Variants in CNIH3 observed in about 807,000 individuals in gnomAD.
CNIH3 encodes protein cornichon homolog 3.
A neutral mutation model predicts 24.1 loss-of-function variants in CNIH3; 14 were observed. The observed-to-expected ratio is 0.58, with a 90% CI of 0.38 to 0.91. CNIH3 has a LOEUF of 0.91. Among genes scored for constraint, CNIH3 ranks in the 40% least tolerant of loss-of-function variants. The pLI is 0.00. For missense variants in CNIH3, 178 were observed against 196.8 expected (o/e 0.90, Z 0.57); for synonymous variants, 68 against 73.8 (o/e 0.92, Z 0.40).
chr1:224,513,229 G>C (rs528177594), upstream of CNIH3, among the ~76,000 whole-genome samples: 2 of 151,858 alleles, frequency 1.3e-5, no homozygotes, highest in African/African-American at 4.8e-5. Flanking sequence ...TGTGATCACA[G>C]CTCACAGCAG....
intron 1 of CNIH3, among the ~76,000 whole-genome samples, chr1:224,627,727 T>C (rs1282393943): frequency 6.6e-6 from 1 of 152,152 alleles, no homozygotes; most frequent in East Asian, 1.9e-4. Flanking sequence ...CGCTGCCATC[T>C]CGGACCCACG....
intron 4 of CNIH3, among the ~76,000 whole-genome samples, chr1:224,568,454 T>C (rs74472226): frequency 0.068 from 10,422 of 152,150 alleles, 1,189 homozygotes; most frequent in African/African-American, 0.23. Context: ...ATATATGTGA[T>C]GTGTAAGGAA....
At chr1:224,530,815 G>T (rs1679035232) in intron 2 of CNIH3, among the ~76,000 whole-genome samples, 1 of 152,074 alleles carries the variant, frequency 6.6e-6, no homozygotes, top group South Asian at 2.1e-4. Flanking sequence ...GGCCAGGATG[G>T]TCGCGATCTC....
intron 1 of CNIH3, among the ~76,000 whole-genome samples, chr1:224,658,833 G>A (rs374248607): frequency 1.3e-5 from 2 of 151,758 alleles, no homozygotes; most frequent in South Asian, 2.1e-4. Flanking sequence ...TCTGTATAGT[G>A]TATTATTAAT....
At chr1:224,618,319 C>T (rs1683125839) in intron 1 of CNIH3, among the ~76,000 whole-genome samples, 2 of 152,254 alleles carry the variant, frequency 1.3e-5, no homozygotes, top group Non-Finnish European at 2.9e-5. Flanking sequence ...CCACCTTTAA[C>T]AGCCTTGCCC....
intron 1 of CNIH3, among the ~76,000 whole-genome samples, chr1:224,441,987 G>C (rs1674934798): frequency 6.7e-6 from 1 of 148,500 alleles, no homozygotes; most frequent in Non-Finnish European, 1.5e-5. Context: ...GACTAACAGA[G>C]TTTGGGAGAT....
intron 3 of CNIH3, among the ~76,000 whole-genome samples, chr1:224,713,794 T>A (rs182491451): frequency 6.6e-6 from 1 of 152,312 alleles, no homozygotes; most frequent in Non-Finnish European, 1.5e-5. Context: ...CTGGTTTCAG[T>A]GCAACTTTTT....
chr1:224,553,908 C>T (rs1355757188), intron 3 of CNIH3, among the ~76,000 whole-genome samples: 5 of 150,822 alleles, frequency 3.3e-5, no homozygotes, highest in African/African-American at 1.2e-4. Flanking sequence ...AGCGAATTTG[C>T]ACTCAAATAC....
In CNIH3 at chr1:224,627,340, C is replaced by T. The variant is rs535538628; in HGVS notation, c.81+10085C>T. On this transcript the variant is annotated intron_variant, in intron 1 of 5. Transcript: ENST00000272133. ...CCCCGGGTTCAAGCAATTCTCCTGC[C>T]TCAGCCTCCTGAATAGCTGGGATTA... Among the ~76,000 whole-genome samples, 3 of 147,750 alleles carry T rather than the reference C, an allele frequency of 2.0e-5. No individual in the cohort carries two copies. In the South Asian group the frequency reaches 6.8e-4, roughly 33 times the overall value.
In CNIH3 at chr1:224,616,453, G is replaced by C. The variant is rs949531068; in HGVS notation, c.-722G>C. 34 of 989,568 alleles carry C rather than the reference G, an allele frequency of 3.4e-5. No individual in the cohort carries two copies. The African/African-American group carries it at 4.7e-4, about 14-fold the overall frequency. 61.3% of individuals were successfully genotyped at this position (989,568 alleles called of 1,614,324 possible). Reference sequence around the variant, plus strand: ...GTTGGGTGGAGCCAGTGCTCGCCCCGGTCCGACCCCCGGTTTCCGGGACAC... The same window carrying C: ...GTTGGGTGGAGCCAGTGCTCGCCCCCGTCCGACCCCCGGTTTCCGGGACAC... On this transcript the variant is annotated 5_prime_UTR_variant, in exon 1 of 6. Transcript: ENST00000272133.
At chr1:224,506,448 A>T (rs6676481) in intron 1 of CNIH3, among the ~76,000 whole-genome samples, 2 of 152,030 alleles carry the variant, frequency 1.3e-5, no homozygotes, top group Non-Finnish European at 2.9e-5. Context: ...GCCCTGCTCG[A>T]TGCCACCCTC....
In CNIH3 at chr1:224,494,821, C is replaced by T. The variant is rs1460004855; in HGVS notation, n.204-20920C>T. Among the ~76,000 whole-genome samples, 2 of 152,126 alleles carry T rather than the reference C, an allele frequency of 1.3e-5. 1 individual carries two copies. Among genetic ancestry groups the T allele is most frequent in the Non-Finnish European group, 2.9e-5 (2 of 68,034 alleles). On this transcript the variant is annotated intron_variant and non_coding_transcript_variant, in intron 1 of 5. Coordinates refer to the CNIH3 transcript ENST00000471578. ...GATTCTGAACTGGACTCATGCCCAACGCCCTCTGGATCTTTGTCTCACAAA... is the reference window on the plus strand; with the variant it reads ...GATTCTGAACTGGACTCATGCCCAATGCCCTCTGGATCTTTGTCTCACAAA...
At chr1:224,646,138 C>CCGCA (rs1684594091) in intron 1 of CNIH3, among the ~76,000 whole-genome samples, 5 of 108,450 alleles carry the variant, frequency 4.6e-5, no homozygotes. Flanking sequence ...TAACGTAAGA[C>CCGCA]AGCAGAGGTT....
chr1:224,613,874 T>C (rs938428941), upstream of CNIH3, among the ~76,000 whole-genome samples: 3 of 151,146 alleles, frequency 2.0e-5, no homozygotes, highest in Non-Finnish European at 4.4e-5. Context: ...GTACCCAGCC[T>C]CAGGTTTTTG....
chr1:224,641,493 T>C (rs1684360138), intron 1 of CNIH3, among the ~76,000 whole-genome samples: 1 of 152,182 alleles, frequency 6.6e-6, no homozygotes, highest in Admixed American at 6.5e-5. Context: ...GGGGTCTGGT[T>C]TGTACCTTCC....
chr1:224,555,233 T>C (rs572756789), intron 3 of CNIH3, among the ~76,000 whole-genome samples: 2 of 152,270 alleles, frequency 1.3e-5, no homozygotes, highest in African/African-American at 4.8e-5. Context: ...GGAGTGGGGA[T>C]TTGATTTGGG....
chr1:224,592,131 G>A (rs1031232840), downstream of CNIH3, among the ~76,000 whole-genome samples: 3 of 151,970 alleles, frequency 2.0e-5, no homozygotes, highest in Non-Finnish European at 2.9e-5. Context: ...GTGTGTGTGT[G>A]TATATGTGTG....
At chr1:224,554,674 C>T (rs1008345101) in intron 3 of CNIH3, among the ~76,000 whole-genome samples, 3 of 151,904 alleles carry the variant, frequency 2.0e-5, no homozygotes, top group South Asian at 2.1e-4. Flanking sequence ...GCCTTGACTT[C>T]CCAGGGTTAA....
intron 5 of CNIH3, among the ~76,000 whole-genome samples, chr1:224,739,074 G>A (rs907667247): frequency 7.9e-5 from 12 of 152,062 alleles, no homozygotes; most frequent in African/African-American, 2.7e-4. Flanking sequence ...AATGATAATA[G>A]GCACTTAGAG....
Sources: gnomAD v4.1 joint callset for allele counts (sites outside exome capture counted in the v4.1 genomes callset) on GRCh38, gnomAD v4.1.1 for gene constraint, MANE v1.5 for transcripts, NCBI Gene and HGNC (gene_info 2026-07-23, HGNC 2026-07-21) for gene names.